Variants in ITFG1 observed in about 807,000 individuals in gnomAD.
ITFG1 encodes integrin alpha FG-GAP repeat containing 1, also known as T-cell immunomodulatory protein.
ITFG1 carries 34 observed loss-of-function variants against 81.8 expected under a neutral mutation model. That is an observed-to-expected ratio of 0.42 (90% CI 0.32 to 0.55). ITFG1 has a LOEUF of 0.55. Ranked by LOEUF, ITFG1 falls within the 20% of genes least tolerant of loss-of-function variation. The pLI, the probability that ITFG1 is intolerant of heterozygous loss-of-function variation, is 0.17. For synonymous variants in ITFG1, 285 were observed against 270.6 expected (o/e 1.05, Z -0.52); for missense variants, 672 against 755.4 (o/e 0.89, Z 1.29).
At chr16:47,164,344 G>GT (rs1964858280) in intron 14 of ITFG1, among the ~76,000 whole-genome samples, 1 of 152,102 alleles carries the variant, frequency 6.6e-6, no homozygotes, top group Admixed American at 6.5e-5. Context: ...GTGATTTGTT[G>GT]TAAGATTTCC....
intron 14 of ITFG1, among the ~76,000 whole-genome samples, chr16:47,217,787 T>C (rs1965642487): frequency 1.3e-5 from 2 of 151,962 alleles, no homozygotes; most frequent in Admixed American, 6.6e-5. Flanking sequence ...TAGCCGGGTG[T>C]AGTGGCGGGC....
chr16:47,410,526 C>T (rs545607969), intron 6 of ITFG1, among the ~76,000 whole-genome samples: 1 of 151,996 alleles, frequency 6.6e-6, no homozygotes, highest in African/African-American at 2.4e-5. Flanking sequence ...ATACTTTGAA[C>T]AGGTCTTTTG....
At chr16:47,169,276 G>A (rs2151509361) in intron 14 of ITFG1, among the ~76,000 whole-genome samples, 1 of 152,266 alleles carries the variant, frequency 6.6e-6, no homozygotes, top group East Asian at 1.9e-4. Flanking sequence ...ACTTGAATCT[G>A]TAGATTGTTT....
intron 6 of ITFG1, among the ~76,000 whole-genome samples, chr16:47,384,106 T>C (rs1968429971): frequency 6.6e-6 from 1 of 152,184 alleles, no homozygotes; most frequent in Non-Finnish European, 1.5e-5. Flanking sequence ...GGCCAGACAT[T>C]TAAAATCAAA....
intron 13 of ITFG1, among the ~76,000 whole-genome samples, chr16:47,234,820 CAT>C (rs1170758128): frequency 2.0e-5 from 3 of 152,318 alleles, no homozygotes; most frequent in South Asian, 2.1e-4. Context: ...ATAATCCCCA[CAT>C]GTCATGGGAG....
chr16:47,271,237 T>C (rs1261376200), intron 10 of ITFG1, among the ~76,000 whole-genome samples: 2 of 152,142 alleles, frequency 1.3e-5, no homozygotes, highest in African/African-American at 4.8e-5. Context: ...GACTTGTATC[T>C]AGAATGTATT....
chr16:47,383,593 G>A (rs534786030), intron 6 of ITFG1, among the ~76,000 whole-genome samples: 10 of 152,298 alleles, frequency 6.6e-5, no homozygotes, highest in African/African-American at 2.4e-4. Context: ...CTGGATTTCT[G>A]AGTATTTATT....
chr16:47,333,797 G>A (rs1220818369), intron 8 of ITFG1, among the ~76,000 whole-genome samples: 1 of 152,098 alleles, frequency 6.6e-6, no homozygotes, highest in African/African-American at 2.4e-5. Context: ...TTTTTACCTT[G>A]CTCTTCAAGC....
chr16:47,433,875 T>C (rs1305140256), intron 5 of ITFG1, among the ~76,000 whole-genome samples: 2 of 96,974 alleles, frequency 2.1e-5, no homozygotes, highest in Admixed American at 1.8e-4. Context: ...TATATATATA[T>C]ATATATATAT....
intron 6 of ITFG1, among the ~76,000 whole-genome samples, chr16:47,396,732 G>C (rs1356439176): frequency 6.6e-6 from 1 of 152,158 alleles, no homozygotes; most frequent in East Asian, 1.9e-4. Context: ...GTGGACTGCA[G>C]GCCCCAGTGA....
intron 17 of ITFG1, chr16:47,157,597 T>C (rs1279254709): frequency 6.6e-6 from 1 of 152,252 alleles, no homozygotes; most frequent in Admixed American, 6.5e-5. Context: ...CTGATACTTC[T>C]GGACCAAGTA....
intron 8 of ITFG1, among the ~76,000 whole-genome samples, chr16:47,317,965 AC>A (rs1328721365): frequency 6.6e-6 from 1 of 152,092 alleles, no homozygotes; most frequent in Non-Finnish European, 1.5e-5. Flanking sequence ...ACATTAAGAA[AC>A]TTTTTTCTGT....
intron 14 of ITFG1, among the ~76,000 whole-genome samples, chr16:47,194,152 ACTT>A (rs1011890515): frequency 5.3e-5 from 8 of 152,068 alleles, no homozygotes; most frequent in African/African-American, 1.9e-4. Flanking sequence ...CTTCTTACTC[ACTT>A]CTTCTGGTCC....
rs934993452 is a variant in ITFG1, at chr16:47,439,614, A to C, written c.561-10716T>G. ...TTCATAAGTGAAGGAGAAATAAAAT[A>C]CTTTACAGACAAGCAAATGCTGAGA... On this transcript the variant is annotated intron_variant, in intron 5 of 17. Coordinates refer to ENST00000320640, the MANE Select transcript of ITFG1 (RefSeq NM_030790.5). Among the ~76,000 whole-genome samples, 256 of 152,250 alleles carry C rather than the reference A, an allele frequency of 1.7e-3. 2 individuals are homozygous for C. The highest frequency in any genetic ancestry group is 2.5e-3 in the Non-Finnish European group (169 of 67,996).
At chr16:47,342,099 G>A (rs751673433) in intron 8 of ITFG1, among the ~76,000 whole-genome samples, 9 of 152,132 alleles carry the variant, frequency 5.9e-5, no homozygotes, top group Non-Finnish European at 7.4e-5. Flanking sequence ...ATCAAAGTCA[G>A]ATAATGACAT....
chr16:47,271,189 A>T (rs1966335417), intron 10 of ITFG1, among the ~76,000 whole-genome samples: 1 of 152,184 alleles, frequency 6.6e-6, no homozygotes, highest in African/African-American at 2.4e-5. Context: ...CAACCCACAG[A>T]AAGGGAGAAA....
chr16:47,303,327 T>C (rs1967107060), intron 10 of ITFG1, among the ~76,000 whole-genome samples: 1 of 152,156 alleles, frequency 6.6e-6, no homozygotes, highest in South Asian at 2.1e-4. Flanking sequence ...TCTTTCCGTA[T>C]AGTATATATT....
intron 13 of ITFG1, among the ~76,000 whole-genome samples, chr16:47,228,738 C>G (rs978832042): frequency 8.5e-5 from 13 of 152,100 alleles, no homozygotes; most frequent in African/African-American, 3.1e-4. Flanking sequence ...AAGCCTGAGA[C>G]CCCTTCTGAT....
At chr16:47,295,032 T>A (rs1966962191) in intron 10 of ITFG1, among the ~76,000 whole-genome samples, 1 of 152,148 alleles carries the variant, frequency 6.6e-6, no homozygotes, top group Non-Finnish European at 1.5e-5. Context: ...TGTGGCATGC[T>A]CACTATGCCT....
Sources: gnomAD v4.1 joint callset for allele counts (sites outside exome capture counted in the v4.1 genomes callset) on GRCh38, gnomAD v4.1.1 for gene constraint, MANE v1.5 for transcripts, NCBI Gene and HGNC (gene_info 2026-07-23, HGNC 2026-07-21) for gene names.